Variants in GLIS1 observed in about 807,000 individuals in gnomAD.
GLIS1 encodes GLIS family zinc finger 1.
A neutral mutation model predicts 63.8 loss-of-function variants in GLIS1; 24 were observed. The ratio of observed to expected loss-of-function variants is 0.38; its 90% CI spans 0.27 to 0.53. The LOEUF (loss-of-function observed/expected upper bound fraction) is 0.53, where lower values mean the gene tolerates loss of function less well. Ranked by LOEUF, GLIS1 falls within the 20% of genes least tolerant of loss-of-function variation. GLIS1 has a pLI of 0.85. For missense variants in GLIS1, 1,036 were observed against 1,074.1 expected, an observed-to-expected ratio of 0.96 and a Z score of 0.50; for synonymous variants, 450 against 482.5, an observed-to-expected ratio of 0.93 and a Z score of 0.88.
intron 2 of GLIS1, among the ~76,000 whole-genome samples, chr1:53,650,787 C>A (rs1645898660): frequency 6.6e-6 from 1 of 152,188 alleles, no homozygotes; most frequent in Non-Finnish European, 1.5e-5. Flanking sequence ...TCAGGACGCT[C>A]CCCCAGTCCT....
rs201526886 is a variant in GLIS1 at position 53,594,386 on chromosome 1, A to G, written c.1042T>C (p.Leu348=). Residue 348 remains leucine (L), a synonymous_variant, in exon 4 of 11, where the codon TTG becomes CTG. Transcript: ENST00000628545. ...CCTCCAAGGCTTGGGCCAGGCGGCA[A>G]CTGAGACAGGGGATAGGGGGGCGGC... ...GLPPPYPLSQ[L]PPGPSLGGLG... is the part of the protein sequence containing the mutation. 272 of 1,611,698 alleles carry G rather than the reference A, an allele frequency of 1.7e-4. No homozygotes were observed. The African/African-American group carries it at 3.5e-3, about 21-fold the overall frequency.
In GLIS1 at chr1:53,514,820, C is replaced by T. The variant is rs775543509; in HGVS notation, c.1727-39G>A. The T allele has an allele frequency of 5.2e-6, 8 of 1,546,488 alleles. No homozygotes were observed. In the South Asian group the frequency reaches 6.3e-5, roughly 12 times the overall value. The stretch of plus-strand genomic sequence containing the variant: ...AACAAGGCTCACTGGACTCTGGCCA[C>T]TCCCTAGAGATGGTTGTGATGGCCC... On this transcript the variant is annotated intron_variant, in intron 7 of 10. Transcript: ENST00000628545.
chr1:53,510,990 G>A (rs11808555), intron 8 of GLIS1, among the ~76,000 whole-genome samples: 9,016 of 152,222 alleles, frequency 0.059, 884 homozygotes, highest in African/African-American at 0.21. Flanking sequence ...AGCCCAGCCC[G>A]AGGGCCCACT....
intron 4 of GLIS1, among the ~76,000 whole-genome samples, chr1:53,580,313 C>T (rs1330742822): frequency 6.6e-6 from 1 of 152,194 alleles, no homozygotes; most frequent in Non-Finnish European, 1.5e-5. Context: ...GCCCTACAGG[C>T]CTCCCTACCT....
intron 2 of GLIS1, among the ~76,000 whole-genome samples, chr1:53,684,762 G>A (rs1209486270): frequency 6.6e-6 from 1 of 152,144 alleles, no homozygotes; most frequent in African/African-American, 2.4e-5. Flanking sequence ...TCTCCTCCTG[G>A]CCAGCAGGCT....
At chr1:53,537,168 C>A (rs1425628614) in intron 4 of GLIS1, among the ~76,000 whole-genome samples, 1 of 152,208 alleles carries the variant, frequency 6.6e-6, no homozygotes, top group East Asian at 1.9e-4. Context: ...TGGGCCAAGC[C>A]CAGGGACCCC....
chr1:53,670,938 A>C (rs1209021129), intron 2 of GLIS1, among the ~76,000 whole-genome samples: 4 of 152,254 alleles, frequency 2.6e-5, no homozygotes, highest in Non-Finnish European at 2.9e-5. Flanking sequence ...GTGTAATTAT[A>C]TCAGGGTGTG....
intron 2 of GLIS1, among the ~76,000 whole-genome samples, chr1:53,722,459 C>T (rs748240452): frequency 2.0e-5 from 3 of 152,164 alleles, no homozygotes; most frequent in African/African-American, 4.8e-5. Flanking sequence ...AAGAGGAAGG[C>T]GCTCTCTAAG....
At chr1:53,679,152 C>T (rs946970967) in intron 2 of GLIS1, among the ~76,000 whole-genome samples, 1 of 152,150 alleles carries the variant, frequency 6.6e-6, no homozygotes. Flanking sequence ...CCTCCACTAC[C>T]TCCAGGCCAC....
chr1:53,647,620 A>T (rs1008296362), intron 2 of GLIS1, among the ~76,000 whole-genome samples: 2 of 150,438 alleles, frequency 1.3e-5, no homozygotes, highest in African/African-American at 5.0e-5. Flanking sequence ...AGCTTCAAAA[A>T]TAAGCTTGTA....
At chr1:53,583,510 C>T (rs374991335) in intron 4 of GLIS1, among the ~76,000 whole-genome samples, 1 of 152,324 alleles carries the variant, frequency 6.6e-6, no homozygotes, top group East Asian at 1.9e-4. Flanking sequence ...GCCCCATCCC[C>T]AGGAAACGTA....
chr1:53,702,421 A>G (rs1646533318), intron 2 of GLIS1, among the ~76,000 whole-genome samples: 1 of 152,264 alleles, frequency 6.6e-6, no homozygotes, highest in Non-Finnish European at 1.5e-5. Context: ...ATGAGCATGA[A>G]GAAGCCTCCC....
chr1:53,684,404 G>GACTC (rs1242294882), intron 2 of GLIS1, among the ~76,000 whole-genome samples: 1 of 152,184 alleles, frequency 6.6e-6, no homozygotes, highest in Non-Finnish European at 1.5e-5. Context: ...TGCTCCCTCT[G>GACTC]ACTCCTGGGC....
In GLIS1 at chr1:53,626,414, C is replaced by T. The variant is rs555091072; in HGVS notation, c.260-26136G>A. Among the ~76,000 whole-genome samples the T allele has an allele frequency of 1.2e-4, 19 of 152,322 alleles. No homozygotes were observed. In the East Asian group the frequency reaches 3.1e-3, roughly 25 times the overall value. On this transcript the variant is annotated intron_variant, in intron 2 of 10. Transcript: ENST00000628545. ...GGAACCCCCTTCTGCTCCAAACCCT[C>T]TTCTGTGGCTCCTGTTCCCAGGGCT...
At chr1:53,645,143 T>C (rs1235525698) in intron 2 of GLIS1, among the ~76,000 whole-genome samples, 1 of 152,186 alleles carries the variant, frequency 6.6e-6, no homozygotes, top group African/African-American at 2.4e-5. Flanking sequence ...GACTTTGCAA[T>C]TGATGTGTGC....
chr1:53,596,100 G>T (rs191972222), intron 3 of GLIS1, among the ~76,000 whole-genome samples: 4 of 152,386 alleles, frequency 2.6e-5, no homozygotes, highest in Admixed American at 2.0e-4. Context: ...AGCGAGGGTG[G>T]TGTATGTGGG....
chr1:53,655,067 G>A (rs1024733602), intron 2 of GLIS1, among the ~76,000 whole-genome samples: 1 of 152,198 alleles, frequency 6.6e-6, no homozygotes, highest in Non-Finnish European at 1.5e-5. Flanking sequence ...CACAGGGCCA[G>A]TGTGACGCTC....
intron 2 of GLIS1, among the ~76,000 whole-genome samples, chr1:53,663,588 C>T (rs1325803912): frequency 6.6e-6 from 1 of 152,224 alleles, no homozygotes. Flanking sequence ...CCTCATTGCC[C>T]TTCACGGCTG....
intron 2 of GLIS1, chr1:53,734,267 C>A: frequency 1.1e-6 from 1 of 894,330 alleles, no homozygotes; most frequent in Non-Finnish European, 1.3e-6. Flanking sequence ...GGTGTGGGAA[C>A]AGCAACTCTG....
Sources: gnomAD v4.1 joint callset for allele counts (sites outside exome capture counted in the v4.1 genomes callset) on GRCh38, gnomAD v4.1.1 for gene constraint, MANE v1.5 for transcripts, NCBI Gene and HGNC (gene_info 2026-07-23, HGNC 2026-07-21) for gene names.